Variants in CDH8 observed in about 807,000 individuals in gnomAD.
CDH8 encodes cadherin 8, also known as cadherin-8.
A neutral mutation model predicts 68.1 loss-of-function variants in CDH8; 17 were observed. The ratio of observed to expected loss-of-function variants is 0.25; its 90% CI spans 0.17 to 0.37. The LOEUF (loss-of-function observed/expected upper bound fraction) is 0.37, where lower values mean the gene tolerates loss of function less well. CDH8 is among the 10% of genes least tolerant of loss of function. CDH8 has a pLI of 1.00. For missense variants in CDH8, 763 were observed against 999.3 expected (o/e 0.76, Z 3.19); for synonymous variants, 372 against 365.1 (o/e 1.02, Z -0.21).
chr16:61,758,972 G>A (rs184187247), intron 8 of CDH8, among the ~76,000 whole-genome samples: 31 of 152,122 alleles, frequency 2.0e-4, no homozygotes, highest in African/African-American at 7.2e-4. Context: ...AGGATATAAC[G>A]AACTCCCACA....
intron 2 of CDH8, among the ~76,000 whole-genome samples, chr16:61,961,252 T>A (rs1184295255): frequency 1.3e-5 from 2 of 151,642 alleles, no homozygotes; most frequent in African/African-American, 2.4e-5. Context: ...GAGGCAGAGG[T>A]TGCAGTGAGC....
intron 1 of CDH8, among the ~76,000 whole-genome samples, chr16:62,024,822 A>G (rs1010245801): frequency 6.6e-6 from 1 of 152,238 alleles, no homozygotes; most frequent in Non-Finnish European, 1.5e-5. Context: ...AGAGATAACC[A>G]TTATTTGAAC....
chr16:62,031,698 A>AC (rs59085693), intron 1 of CDH8, among the ~76,000 whole-genome samples: 1 of 151,774 alleles, frequency 6.6e-6, no homozygotes, highest in South Asian at 2.1e-4. Context: ...ACACACACAC[A>AC]AGACATCCAA....
At chr16:61,778,225 G>C (rs1319386811) in intron 8 of CDH8, among the ~76,000 whole-genome samples, 1 of 152,094 alleles carries the variant, frequency 6.6e-6, no homozygotes, top group Non-Finnish European at 1.5e-5. Context: ...CAAGGGAATA[G>C]CTATCAATCT....
In CDH8 at chr16:61,649,416, A is replaced by G. The variant is rs1253104637; in HGVS notation, c.*4192T>C. 6.7e-6 allele frequency: 1 copy of G among 149,538 alleles called. No homozygotes were observed. Among genetic ancestry groups the G allele is most frequent in the Non-Finnish European group, 1.5e-5 (1 of 67,790 alleles). The allele number at this position is 149,538 out of a possible 1,614,324, so 9.3% of individuals were successfully genotyped here. On this transcript the variant is annotated 3_prime_UTR_variant, in exon 12 of 12. Coordinates refer to ENST00000577390, the MANE Select transcript of CDH8 (RefSeq NM_001796.5). Reference sequence around the variant, plus strand: ...AACTGAATTGTGTATATATGTGCATATTTATATATATGAATATATTTATAA... The same window carrying G: ...AACTGAATTGTGTATATATGTGCATGTTTATATATATGAATATATTTATAA...
chr16:61,848,750 C>T (rs558566481), intron 4 of CDH8, among the ~76,000 whole-genome samples: 4 of 152,138 alleles, frequency 2.6e-5, no homozygotes, highest in East Asian at 1.9e-4. Flanking sequence ...AATTACATTT[C>T]GTCACAATCA....
At position 61,873,567 on chromosome 16, in the gene CDH8, C is replaced by T. The variant is rs536272823; in HGVS notation, c.548-16329G>A. Among the ~76,000 whole-genome samples, 11 of 152,294 alleles carry T rather than the reference C, an allele frequency of 7.2e-5. No homozygotes were observed. The South Asian group carries it at 8.3e-4, about 11-fold the overall frequency. ...TATACAGACAGTCCCTGACTTATGA[C>T]GGGTCAACTTATGAATTTTTGACCT... On this transcript the variant is annotated intron_variant, in intron 3 of 11. Coordinates refer to ENST00000577390, the MANE Select transcript of CDH8 (RefSeq NM_001796.5).
intron 2 of CDH8, among the ~76,000 whole-genome samples, chr16:62,001,103 A>C (rs1250704788): frequency 6.6e-6 from 1 of 152,180 alleles, no homozygotes; most frequent in East Asian, 1.9e-4. Flanking sequence ...ATGAAGACAC[A>C]AATTAGGGGA....
intron 1 of CDH8, among the ~76,000 whole-genome samples, chr16:62,026,344 T>C (rs909256413): frequency 3.3e-5 from 5 of 152,214 alleles, no homozygotes; most frequent in Admixed American, 3.3e-4. Context: ...GTGTGGGATT[T>C]GAGATTCTGC....
chr16:61,653,798 G>A lies in CDH8; in HGVS notation c.2210C>T (p.Thr737Met), dbSNP rs764705484. The stretch of plus-strand genomic sequence containing the variant: ...CTGAATGGAGTCATATGGCGGGGCC[G>A]TGGGATCATTATCTGCCTCATGCAG... ...VRLHEADNDP[T>M]APPYDSIQIY... Residue 737 changes from threonine to methionine, a missense_variant, in exon 12 of 12, where the codon ACG (threonine) becomes ATG (methionine). Thr to Met is a moderately conservative substitution (Grantham distance 81, BLOSUM62 -1). This residue lies in a region of CDH8 where 397 missense variants were observed against 436.2 expected (regional missense o/e 0.91). Transcript: ENST00000577390. 11 of 1,614,054 alleles carry A rather than the reference G, an allele frequency of 6.8e-6. No individual in the cohort carries two copies. The Admixed American group carries it at 8.3e-5, about 12-fold the overall frequency.
In CDH8 at chr16:61,821,067, T is replaced by G. The variant is rs1249578122; in HGVS notation, c.882A>C (p.Ala294=). Residue 294 remains alanine (A), a synonymous_variant, in exon 6 of 12, where the codon GCA becomes GCC. Transcript: ENST00000577390. ...SVPEDVVLGT[A]IGRVKANDQD... ...GATCATTGGCCTTCACCCTTCCTAT[T>G]GCAGTGCCAAGAACCACATCTTCCG... The G allele has an allele frequency of 3.1e-6, 5 of 1,612,674 alleles. No homozygotes were observed. Among genetic ancestry groups the G allele is most frequent in the South Asian group, 1.1e-5 (1 of 90,990 alleles).
At chr16:61,933,385 T>C (rs1013807625) in intron 2 of CDH8, among the ~76,000 whole-genome samples, 1 of 152,180 alleles carries the variant, frequency 6.6e-6, no homozygotes, top group Non-Finnish European at 1.5e-5. Flanking sequence ...TATTGAACTT[T>C]TACCCACAAG....
intron 3 of CDH8, among the ~76,000 whole-genome samples, chr16:61,871,983 C>CATGA (rs1963379334): frequency 6.6e-6 from 1 of 152,062 alleles, no homozygotes; most frequent in South Asian, 2.1e-4. Context: ...CTCTGCTCTG[C>CATGA]ATGAATGGTT....
At chr16:61,841,885 ATTTG>A (rs1302610515) in intron 4 of CDH8, among the ~76,000 whole-genome samples, 1 of 151,962 alleles carries the variant, frequency 6.6e-6, no homozygotes, top group Admixed American at 6.6e-5. Context: ...AACTTTTGTG[ATTTG>A]TTTGTTTGTT....
chr16:61,929,239 C>G (rs1328675595), intron 2 of CDH8, among the ~76,000 whole-genome samples: 1 of 152,044 alleles, frequency 6.6e-6, no homozygotes, highest in Non-Finnish European at 1.5e-5. Flanking sequence ...TTGTAAACTC[C>G]TGTGTTATGT....
At chr16:61,794,650 G>A (rs1000166940) in intron 7 of CDH8, among the ~76,000 whole-genome samples, 3 of 152,018 alleles carry the variant, frequency 2.0e-5, no homozygotes, top group East Asian at 1.9e-4. Context: ...AGTGTCCTGC[G>A]TGTACACAGG....
chr16:61,938,646 C>T (rs1964663934), intron 2 of CDH8, among the ~76,000 whole-genome samples: 1 of 152,196 alleles, frequency 6.6e-6, no homozygotes. Flanking sequence ...CTGGTAACCT[C>T]TGGTTGTTAG....
chr16:61,852,922 CCTCTTTCCCTCA>C (rs1962971101), intron 4 of CDH8, among the ~76,000 whole-genome samples: 1 of 149,596 alleles, frequency 6.7e-6, no homozygotes, highest in African/African-American at 2.5e-5. Flanking sequence ...TCCTTCCTTC[CCTCTTTCCCTCA>C]TTCCATCCTT....
At chr16:61,881,962 T>C (rs1963587040) in intron 3 of CDH8, among the ~76,000 whole-genome samples, 1 of 152,232 alleles carries the variant, frequency 6.6e-6, no homozygotes, top group East Asian at 1.9e-4. Context: ...TAAATTGGCT[T>C]CTTTAGTAAT....
Sources: allele counts gnomAD v4.1 joint callset (sites outside exome capture counted in the v4.1 genomes callset), GRCh38; gene constraint gnomAD v4.1.1; regional missense constraint gnomAD v4.1.1; transcripts MANE v1.5; gene names NCBI Gene and HGNC (gene_info 2026-07-23, HGNC 2026-07-21).